LARGE1: variants seen among roughly 807,000 people sequenced by gnomAD.
The protein encoded by LARGE1 is LARGE xylosyl- and glucuronyltransferase 1.
In LARGE1, 43 loss-of-function variants were observed where a neutral mutation model predicts 87.6. The observed-to-expected ratio is 0.49, with a 90% CI of 0.38 to 0.63. LARGE1 has a LOEUF of 0.63. LARGE1 is among the 30% of genes least tolerant of loss of function. LARGE1 has a pLI of 0.00. For missense variants in LARGE1, 802 were observed against 1,000.2 expected (o/e 0.80, Z 2.67); for synonymous variants, 434 against 394.6 (o/e 1.10, Z -1.18).
At chr22:33,831,361 C>T (rs2062962277) in intron 1 of LARGE1, among the ~76,000 whole-genome samples, 1 of 152,120 alleles carries the variant, frequency 6.6e-6, no homozygotes, top group Admixed American at 6.5e-5. Flanking sequence ...ATACATGCAC[C>T]CCCCCTCTGC....
chr22:33,464,038 T>C (rs1290860075), intron 6 of LARGE1, among the ~76,000 whole-genome samples: 2 of 152,280 alleles, frequency 1.3e-5, no homozygotes, highest in African/African-American at 4.8e-5. Flanking sequence ...GTAAGAAAAC[T>C]AGCACTACTA....
chr22:33,414,219 T>A (rs8141754), intron 7 of LARGE1, among the ~76,000 whole-genome samples: 69,470 of 151,972 alleles, frequency 0.46, 16,237 homozygotes, highest in Non-Finnish European at 0.48. Context: ...CAGAAGTACA[T>A]AATACTGCAT....
At chr22:33,214,366 TCTTAA>T (rs747808712) in intron 11 of LARGE1, among the ~76,000 whole-genome samples, 11 of 152,242 alleles carry the variant, frequency 7.2e-5, no homozygotes, top group Admixed American at 2.0e-4. Context: ...AAAGAACTAA[TCTTAA>T]CTTAATTGCC....
At chr22:33,697,054 T>C (rs2082273717) in intron 2 of LARGE1, among the ~76,000 whole-genome samples, 1 of 152,064 alleles carries the variant, frequency 6.6e-6, no homozygotes, top group African/African-American at 2.4e-5. Flanking sequence ...AAACCCAGTT[T>C]CCACCAAGCA....
intron 7 of LARGE1, among the ~76,000 whole-genome samples, chr22:33,389,325 C>T (rs2065434527): frequency 6.6e-6 from 1 of 152,186 alleles, no homozygotes; most frequent in South Asian, 2.1e-4. Context: ...AGAGAAAATG[C>T]TATTCTTAAA....
chr22:33,753,182 T>C (rs1420340666), intron 2 of LARGE1, among the ~76,000 whole-genome samples: 1 of 152,084 alleles, frequency 6.6e-6, no homozygotes, highest in Non-Finnish European at 1.5e-5. Flanking sequence ...ATCACACCAC[T>C]GCACTCTAGC....
chr22:33,176,158 A>G (rs950168873), intron 11 of LARGE1, among the ~76,000 whole-genome samples: 3 of 152,208 alleles, frequency 2.0e-5, no homozygotes, highest in Admixed American at 1.3e-4. Context: ...CTAACTCAAG[A>G]TGGATGAAAG....
intron 1 of LARGE1, among the ~76,000 whole-genome samples, chr22:33,826,111 G>T (rs773572225): frequency 1.3e-5 from 2 of 152,010 alleles, no homozygotes; most frequent in African/African-American, 2.4e-5. Flanking sequence ...CACAAACGGT[G>T]GCTTAAAACA....
chr22:33,332,328 T>C (rs1179044790), intron 10 of LARGE1, among the ~76,000 whole-genome samples: 1 of 152,164 alleles, frequency 6.6e-6, no homozygotes, highest in Non-Finnish European at 1.5e-5. Flanking sequence ...TCTCATTCTC[T>C]CTCTTGCCTG....
At chr22:33,359,124 G>C (rs2064286661) in intron 9 of LARGE1, among the ~76,000 whole-genome samples, 1 of 150,610 alleles carries the variant, frequency 6.6e-6, no homozygotes, top group East Asian at 1.9e-4. Flanking sequence ...CCCTACACAA[G>C]AGGGACTGTA....
At chr22:33,877,453 A>C (rs2064502771) in intron 1 of LARGE1, among the ~76,000 whole-genome samples, 1 of 152,172 alleles carries the variant, frequency 6.6e-6, no homozygotes, top group South Asian at 2.1e-4. Flanking sequence ...TCTGGGTTCA[A>C]ACCTTCATTG....
intron 1 of LARGE1, among the ~76,000 whole-genome samples, chr22:33,767,396 C>A (rs754606106): frequency 6.6e-6 from 1 of 150,486 alleles, no homozygotes; most frequent in African/African-American, 2.4e-5. Flanking sequence ...TACCTCAGCA[C>A]AGACAGTATA....
At chr22:33,746,063 A>T (rs949036470) in intron 2 of LARGE1, among the ~76,000 whole-genome samples, 2 of 152,174 alleles carry the variant, frequency 1.3e-5, no homozygotes, top group African/African-American at 4.8e-5. Flanking sequence ...CTGTTCCCCC[A>T]TCTGCACAAT....
intron 2 of LARGE1, among the ~76,000 whole-genome samples, chr22:33,720,283 T>C (rs1014183180): frequency 4.6e-5 from 7 of 152,036 alleles, no homozygotes; most frequent in Non-Finnish European, 8.8e-5. Flanking sequence ...TTTGCAATAA[T>C]GTAATGCCAC....
At chr22:33,555,647 G>A (rs2077652681) in intron 6 of LARGE1, among the ~76,000 whole-genome samples, 1 of 152,038 alleles carries the variant, frequency 6.6e-6, no homozygotes, top group Non-Finnish European at 1.5e-5. Flanking sequence ...TAGATTGAAG[G>A]GCCAGGCGTG....
At chr22:33,400,696 A>G (rs1270958432) in intron 7 of LARGE1, among the ~76,000 whole-genome samples, 1 of 152,184 alleles carries the variant, frequency 6.6e-6, no homozygotes, top group Admixed American at 6.5e-5. Context: ...CCGAAAGGGC[A>G]GGAAGCTTTC....
At chr22:33,641,414 A>C (rs1331756916) in intron 3 of LARGE1, among the ~76,000 whole-genome samples, 1 of 152,246 alleles carries the variant, frequency 6.6e-6, no homozygotes, top group Non-Finnish European at 1.5e-5. Flanking sequence ...TAAATCTACG[A>C]AGATGAAGAA....
chr22:33,659,384 T>C (rs935398172), intron 2 of LARGE1, among the ~76,000 whole-genome samples: 18 of 152,312 alleles, frequency 1.2e-4, no homozygotes, highest in South Asian at 2.1e-4. Flanking sequence ...TAGAAAAATT[T>C]AGAAAACTCA....
intron 6 of LARGE1, among the ~76,000 whole-genome samples, chr22:33,511,635 T>A (rs887043860): frequency 6.6e-6 from 1 of 152,190 alleles, no homozygotes; most frequent in Non-Finnish European, 1.5e-5. Context: ...GAAAAGGACT[T>A]GGTAGAAGGA....
Sources: gnomAD v4.1 joint callset for allele counts (sites outside exome capture counted in the v4.1 genomes callset) on GRCh38, gnomAD v4.1.1 for gene constraint, MANE v1.5 for transcripts, NCBI Gene and HGNC (gene_info 2026-07-23, HGNC 2026-07-21) for gene names.